Variants in SGCD observed in about 807,000 individuals in gnomAD.
The protein encoded by SGCD is sarcoglycan delta.
Under a neutral mutation model 36.6 loss-of-function variants are expected in SGCD, and 18 were observed. That is an observed-to-expected ratio of 0.49 (90% confidence interval 0.34 to 0.73). The LOEUF (loss-of-function observed/expected upper bound fraction) is 0.73, where lower values mean the gene tolerates loss of function less well. Among genes scored for constraint, SGCD ranks in the 30% least tolerant of loss-of-function variants. The pLI is 0.01. For missense variants in SGCD, 387 were observed against 346.7 expected, an observed-to-expected ratio of 1.12 and a Z score of -0.92; for synonymous variants, 133 against 130.6, an observed-to-expected ratio of 1.02 and a Z score of -0.12.
At chr5:155,843,743 C>T in the SGCD span, among the ~76,000 whole-genome samples, 1 of 152,090 alleles carries the variant, frequency 6.6e-6, no homozygotes, top group Non-Finnish European at 1.5e-5. Flanking sequence ...AAAAGCTGAA[C>T]ATGGAGTAGG....
intron 3 of SGCD, among the ~76,000 whole-genome samples, chr5:156,176,001 A>T (rs1763459455): frequency 6.6e-6 from 1 of 151,998 alleles, no homozygotes; most frequent in South Asian, 2.1e-4. Context: ...CTGGTATAGA[A>T]TAAGTAGAAT....
chr5:156,344,639 A>G lies in SGCD; in HGVS notation c.154A>G (p.Met52Val). The stretch of plus-strand genomic sequence containing the variant: ...GATTTTAATACTGGTGAACTTGGCC[A>G]TGACCATCTGGATTCTCAAAGTCAT... The part of the protein sequence containing the change: ...LMILILVNLA[M>V]TIWILKVMNF... The change falls in exon 3 of 9, where the codon ATG becomes GTG. Residue 52 changes from methionine to valine, a missense_variant. Physicochemically the swap from Met to Val is conservative, Grantham distance 21. Coordinates refer to ENST00000337851, the MANE Select transcript of SGCD (RefSeq NM_000337.6). 1 of 1,611,058 alleles carries G rather than the reference A, an allele frequency of 6.2e-7. No individual in the cohort carries two copies. Among genetic ancestry groups the G allele is most frequent in the Non-Finnish European group, 8.5e-7 (1 of 1,178,610 alleles).
chr5:156,717,440 T>C (rs1005050197), intron 7 of SGCD, among the ~76,000 whole-genome samples: 3 of 152,204 alleles, frequency 2.0e-5, no homozygotes, highest in Non-Finnish European at 4.4e-5. Flanking sequence ...CTCCCTGCAG[T>C]GCCTTGTCTC....
At chr5:156,530,336 A>G (rs530424787) in intron 4 of SGCD, among the ~76,000 whole-genome samples, 1 of 152,244 alleles carries the variant, frequency 6.6e-6, no homozygotes, top group Non-Finnish European at 1.5e-5. Context: ...GTGGTAGCTC[A>G]TTAAGAGATG....
chr5:156,342,225 C>T (rs1007649426), intron 2 of SGCD, among the ~76,000 whole-genome samples: 1 of 152,090 alleles, frequency 6.6e-6, no homozygotes, highest in African/African-American at 2.4e-5. Context: ...GTAATGACAC[C>T]ATCGATTGGG....
At chr5:156,372,010 G>A (rs111376759) in intron 3 of SGCD, among the ~76,000 whole-genome samples, 75 of 152,278 alleles carry the variant, frequency 4.9e-4, no homozygotes, top group African/African-American at 1.6e-3. Flanking sequence ...AAAAGGCACT[G>A]CATTTCCCTT....
intron 1 of SGCD, among the ~76,000 whole-genome samples, chr5:155,879,107 C>T (rs1326280427): frequency 1.3e-5 from 2 of 151,978 alleles, no homozygotes; most frequent in African/African-American, 4.8e-5. Context: ...GGACTGGAGG[C>T]TAGACAGACT....
chr5:156,079,512 A>T (rs1760891831), intron 1 of SGCD, among the ~76,000 whole-genome samples: 1 of 152,216 alleles, frequency 6.6e-6, no homozygotes, highest in South Asian at 2.1e-4. Flanking sequence ...TGAGCCTGTA[A>T]AATCAAAACA....
chr5:156,492,494 C>G (rs1227002388), intron 3 of SGCD, among the ~76,000 whole-genome samples: 3 of 152,088 alleles, frequency 2.0e-5, no homozygotes, highest in Non-Finnish European at 4.4e-5. Flanking sequence ...TACTCAAAGA[C>G]AGTCAGCTTT....
At chr5:156,442,844 T>TGAA (rs1753556870) in intron 3 of SGCD, among the ~76,000 whole-genome samples, 2 of 152,346 alleles carry the variant, frequency 1.3e-5, no homozygotes, top group African/African-American at 2.4e-5. Flanking sequence ...GCTTATGTTC[T>TGAA]AGTGGAGGAT....
chr5:155,749,441 G>A, the SGCD span, among the ~76,000 whole-genome samples: 1 of 152,282 alleles, frequency 6.6e-6, no homozygotes, highest in East Asian at 1.9e-4. Flanking sequence ...TGAACTTAGA[G>A]CAGAAACACA....
intron 4 of SGCD, among the ~76,000 whole-genome samples, chr5:156,568,997 T>A (rs1759609479): frequency 6.6e-6 from 1 of 152,208 alleles, no homozygotes; most frequent in African/African-American, 2.4e-5. Context: ...GGTTTTCACC[T>A]TTTTCAATAT....
the SGCD span, among the ~76,000 whole-genome samples, chr5:155,790,515 CAT>C: frequency 1.3e-5 from 2 of 151,994 alleles, no homozygotes; most frequent in African/African-American, 4.8e-5. Flanking sequence ...ATAAATATGA[CAT>C]GTCTATATCA....
chr5:156,144,423 T>C (rs1419540906), intron 3 of SGCD, among the ~76,000 whole-genome samples: 3 of 152,196 alleles, frequency 2.0e-5, no homozygotes, highest in Admixed American at 6.5e-5. Flanking sequence ...TCTTAATGAT[T>C]GCCATTCTAA....
At position 156,595,091 on chromosome 5, in the gene SGCD, G is replaced by A. The variant is rs200525080; in HGVS notation, c.502+40G>A. Reference sequence around the variant, plus strand: ...ATCATTTAACTTGTTTGATGCTACTGTGTACATTTTAGAGGAGAAGCAAAA... The same window carrying A: ...ATCATTTAACTTGTTTGATGCTACTATGTACATTTTAGAGGAGAAGCAAAA... On this transcript the variant is annotated intron_variant, in intron 6 of 8. Coordinates refer to ENST00000337851, the MANE Select transcript of SGCD (RefSeq NM_000337.6). The A allele has an allele frequency of 5.3e-4, 840 of 1,580,966 alleles. 2 individuals are homozygous for A. Among genetic ancestry groups the A allele is most frequent in the Middle Eastern group, 4.8e-3 (28 of 5,806 alleles).
At chr5:156,216,546 C>T (rs887155194) in intron 3 of SGCD, among the ~76,000 whole-genome samples, 1 of 152,114 alleles carries the variant, frequency 6.6e-6, no homozygotes, top group African/African-American at 2.4e-5. Context: ...ATTACCAGCT[C>T]TCTCTTATGT....
chr5:156,314,875 G>A (rs773433262), intron 3 of SGCD, among the ~76,000 whole-genome samples: 41 of 151,852 alleles, frequency 2.7e-4, no homozygotes, highest in African/African-American at 7.5e-4. Context: ...GTAAGACTAC[G>A]GATTTTTTTC....
At chr5:156,298,300 G>A (rs141233384) in intron 3 of SGCD, among the ~76,000 whole-genome samples, 33 of 152,042 alleles carry the variant, frequency 2.2e-4, no homozygotes, top group Middle Eastern at 6.8e-3. Flanking sequence ...TTGCTGGATC[G>A]TGTGGTAATT....
chr5:156,587,220 C>T (rs1457708442), intron 4 of SGCD, among the ~76,000 whole-genome samples: 2 of 152,156 alleles, frequency 1.3e-5, no homozygotes, highest in Non-Finnish European at 2.9e-5. Context: ...GCCAAGTTTT[C>T]CTCTGGCAAG....
Sources: allele counts gnomAD v4.1 joint callset (sites outside exome capture counted in the v4.1 genomes callset), GRCh38; gene constraint gnomAD v4.1.1; transcripts MANE v1.5; gene names NCBI Gene and HGNC (gene_info 2026-07-23, HGNC 2026-07-21).